Variants in ZPLD1 observed in about 807,000 individuals in gnomAD.
ZPLD1 encodes zona pellucida-like domain-containing protein 1.
ZPLD1 carries 34 observed loss-of-function variants against 47.2 expected under a neutral mutation model. The observed-to-expected ratio is 0.72, with a 90% CI of 0.55 to 0.96. The LOEUF is 0.96. Ranked by LOEUF, ZPLD1 falls within the 40% of genes least tolerant of loss-of-function variation. The pLI is 0.00. For missense variants in ZPLD1, 512 were observed against 505.8 expected (o/e 1.01, Z -0.12); for synonymous variants, 176 against 186.2 (o/e 0.95, Z 0.45).
chr3:102,469,228 G>A, intron 9 of ZPLD1, 93 bp downstream of exon 9: 1 of 1,331,440 alleles, frequency 7.5e-7, no homozygotes, highest in South Asian at 1.4e-5. Flanking sequence ...ATAGAAAGTG[G>A]ATATGTGTTA....
chr3:102,458,811 C>T (rs924629488), intron 6 of ZPLD1, among the ~76,000 whole-genome samples: 2 of 152,120 alleles, frequency 1.3e-5, no homozygotes, highest in Admixed American at 6.6e-5. Context: ...AGCTGTCGGC[C>T]GGGTGCTGTG....
chr3:102,427,472 C>A (rs1165079995), intron 8 of ZPLD1, among the ~76,000 whole-genome samples: 1 of 152,084 alleles, frequency 6.6e-6, no homozygotes, highest in Admixed American at 6.6e-5. Context: ...AGCAAGAAGA[C>A]AATGGAAGAT....
At chr3:102,436,823 C>A in intron 1 of ZPLD1, 37 bp from the exon 2 acceptor site, 2 of 919,220 alleles carry the variant, frequency 2.2e-6, no homozygotes, top group Non-Finnish European at 2.6e-6. Context: ...CACAAAATAA[C>A]TCACCAACTT....
At chr3:102,429,170 T>C (rs879261193) in intron 8 of ZPLD1, among the ~76,000 whole-genome samples, 3 of 152,212 alleles carry the variant, frequency 2.0e-5, no homozygotes, top group Admixed American at 1.3e-4. Flanking sequence ...ATTGTTGTTA[T>C]AGCCCACACA....
At chr3:102,476,941 T>G in intron 10 of ZPLD1, 71 bp from the exon 11 acceptor site, 1 of 1,516,488 alleles carries the variant, frequency 6.6e-7, no homozygotes, top group African/African-American at 1.4e-5. Context: ...ATGTAATTAT[T>G]AATCAGAATA....
Position 102,478,612 on chromosome 3 carries a change from A to T in ZPLD1, c.*994A>T, listed in dbSNP as rs1381966653. 3 of 152,126 alleles carry T rather than the reference A, an allele frequency of 2.0e-5. No individual in the cohort carries two copies. The highest frequency in any genetic ancestry group is 1.3e-4 in the Admixed American group (2 of 15,264). 9.4% of individuals were successfully genotyped at this position (152,126 alleles called of 1,614,324 possible). ...AGATATTCCTTCCCCCATATTTTCG[A>T]TGCCAGGCAATAATCAGGAGAGGGT... On this transcript the variant is annotated 3_prime_UTR_variant, in exon 12 of 12. Coordinates refer to ENST00000466937, the MANE Select transcript of ZPLD1 (RefSeq NM_001329788.2).
chr3:102,444,219 G>A (rs1707222664), intron 3 of ZPLD1, among the ~76,000 whole-genome samples: 1 of 152,188 alleles, frequency 6.6e-6, no homozygotes, highest in African/African-American at 2.4e-5. Context: ...AGAATGTGGA[G>A]CAGCAAGTGT....
At position 102,438,574 on chromosome 3, in the gene ZPLD1, C is replaced by A. The variant is rs753480764; in HGVS notation, c.87C>A (p.Asn29Lys). 4 of 1,612,212 alleles carry A rather than the reference C, an allele frequency of 2.5e-6. No individual in the cohort carries two copies. The highest frequency in any genetic ancestry group is 3.3e-5 in the Admixed American group (2 of 60,020). Residue 29 changes from asparagine (N) to lysine (K), a missense_variant, in exon 3 of 12, where the codon AAC becomes AAA. Physicochemically the swap from Asn to Lys is moderately conservative, Grantham distance 94. Coordinates refer to ENST00000466937, the MANE Select transcript of ZPLD1 (RefSeq NM_001329788.2). ...TCAACGGCTACAACTGTGATGCCAA[C>A]CTCCACAGTAGATTTCCTGGTAAGT... ...AQFNGYNCDA[N>K]LHSRFPAERD...
intron 7 of ZPLD1, among the ~76,000 whole-genome samples, chr3:102,407,095 G>A (rs1023537321): frequency 6.6e-6 from 1 of 151,448 alleles, no homozygotes; most frequent in Non-Finnish European, 1.5e-5. Flanking sequence ...GTTTTTCTCA[G>A]CACTCACATG....
intron 9 of ZPLD1, among the ~76,000 whole-genome samples, 176 bp downstream of exon 9, chr3:102,469,311 G>C (rs748946875): frequency 6.6e-6 from 1 of 152,168 alleles, no homozygotes; most frequent in African/African-American, 2.4e-5. Context: ...TTTGTGCCAA[G>C]CATTATACCG....
At chr3:102,403,535 A>G (rs761667851) in intron 7 of ZPLD1, among the ~76,000 whole-genome samples, 14 of 151,986 alleles carry the variant, frequency 9.2e-5, no homozygotes, top group Non-Finnish European at 1.6e-4. Flanking sequence ...AAATTCACAT[A>G]ACATTATCTG....
At chr3:102,416,548 G>C (rs1018750312) in intron 7 of ZPLD1, among the ~76,000 whole-genome samples, 2 of 151,844 alleles carry the variant, frequency 1.3e-5, no homozygotes, top group African/African-American at 2.4e-5. Flanking sequence ...TGAGTCTCTG[G>C]AGAATGAGAA....
chr3:102,428,075 C>T (rs1706971231), intron 8 of ZPLD1, among the ~76,000 whole-genome samples: 1 of 152,074 alleles, frequency 6.6e-6, no homozygotes, highest in African/African-American at 2.4e-5. Flanking sequence ...TATTAACAAA[C>T]TCAACTATAT....
At position 102,456,284 on chromosome 3, in the gene ZPLD1, C is replaced by A. The variant is rs757052687; in HGVS notation, c.419C>A (p.Pro140Gln). Reference protein sequence around the residue: ...ISGYIDTPDPPTIISYLPGLL... With the variant: ...ISGYIDTPDPQTIISYLPGLL... ...GGATATATTGATACTCCAGACCCAC[C>A]AACAATCATCAGCTATCTACCTGGG... Residue 140 changes from proline to glutamine, a missense_variant, in exon 5 of 12, where the codon CCA becomes CAA. Pro to Gln is a moderately conservative substitution (Grantham distance 76). Coordinates refer to ENST00000466937, the MANE Select transcript of ZPLD1 (RefSeq NM_001329788.2). 4.3e-6 allele frequency: 7 copies of A among 1,613,642 alleles called. No individual in the cohort carries two copies. Among genetic ancestry groups the A allele is most frequent in the Non-Finnish European group, 5.9e-6 (7 of 1,179,808 alleles).
chr3:102,414,622 G>T (rs1044970957), intron 7 of ZPLD1, among the ~76,000 whole-genome samples: 1 of 151,770 alleles, frequency 6.6e-6, no homozygotes, highest in Non-Finnish European at 1.5e-5. Flanking sequence ...ACCTAGTAAA[G>T]CTAGTTCCTG....
At chr3:102,455,476 A>G (rs1228159741) in intron 4 of ZPLD1, among the ~76,000 whole-genome samples, 1 of 152,226 alleles carries the variant, frequency 6.6e-6, no homozygotes, top group Non-Finnish European at 1.5e-5. Flanking sequence ...AGAAGTAGAT[A>G]AGTATCTTTA....
chr3:102,435,979 C>T (rs1251082441), intron 1 of ZPLD1, among the ~76,000 whole-genome samples: 1 of 152,098 alleles, frequency 6.6e-6, no homozygotes, highest in African/African-American at 2.4e-5. Context: ...TACAGAATGG[C>T]TGAGAAGGGA....
upstream of ZPLD1, among the ~76,000 whole-genome samples, chr3:102,434,782 G>A (rs1409568386): frequency 6.6e-6 from 1 of 152,174 alleles, no homozygotes; most frequent in Non-Finnish European, 1.5e-5. Context: ...TGGTGGAGAA[G>A]GTGAAAAATG....
intron 3 of ZPLD1, among the ~76,000 whole-genome samples, chr3:102,439,216 T>A (rs1166375813): frequency 6.6e-6 from 1 of 152,250 alleles, no homozygotes; most frequent in African/African-American, 2.4e-5. Flanking sequence ...AGTTCAACAT[T>A]TACAAAATAA....
Sources: allele counts gnomAD v4.1 joint callset (sites outside exome capture counted in the v4.1 genomes callset), GRCh38; gene constraint gnomAD v4.1.1; transcripts MANE v1.5; gene names NCBI Gene and HGNC (gene_info 2026-07-23, HGNC 2026-07-21).